The following BMPR2 variants were observed in gnomAD, a reference collection of about 807,000 sequenced individuals.
The protein encoded by BMPR2 is bone morphogenetic protein receptor type-2.
BMPR2 carries 29 observed loss-of-function variants against 100.8 expected under a neutral mutation model. The ratio of observed to expected loss-of-function variants is 0.29; its 90% CI spans 0.21 to 0.39. The LOEUF is 0.39. BMPR2 is among the 10% of genes least tolerant of loss of function. The pLI, the probability that BMPR2 is intolerant of heterozygous loss-of-function variation, is 1.00. For missense variants in BMPR2, 1,011 were observed against 1,274.5 expected (o/e 0.79, Z 3.15); for synonymous variants, 382 against 442.3 (o/e 0.86, Z 1.71).
At chr2:202,397,423 A>T (rs1574426883) in intron 1 of BMPR2, among the ~76,000 whole-genome samples, 1 of 152,258 alleles carries the variant, frequency 6.6e-6, no homozygotes, top group South Asian at 2.1e-4. Context: ...CAGTAATAAG[A>T]AAGTCAGTCT....
intron 9 of BMPR2, among the ~76,000 whole-genome samples, chr2:202,541,702 C>CT (rs767076630): frequency 6.6e-6 from 1 of 152,090 alleles, no homozygotes; most frequent in Non-Finnish European, 1.5e-5. Flanking sequence ...ACATAATAGT[C>CT]TTTTTTCCCT....
Position 202,553,539 on chromosome 2 carries a change from A to G in BMPR2, c.1586+651A>G, listed in dbSNP as rs568683628. Reference sequence around the variant, plus strand: ...TATTTCTTTTTTCCATGTTTGGGGTAAAAAAGCCTTTCTATGACTTTGTCA... The same window carrying G: ...TATTTCTTTTTTCCATGTTTGGGGTGAAAAAGCCTTTCTATGACTTTGTCA... On this transcript the variant is annotated intron_variant, in intron 11 of 12. Transcript: ENST00000374580. Among the ~76,000 whole-genome samples the G allele has an allele frequency of 5.3e-5, 8 of 152,262 alleles. No homozygotes were observed. The East Asian group carries it at 1.5e-3, about 29-fold the overall frequency.
chr2:202,433,023 C>T (rs1034914480), intron 1 of BMPR2, among the ~76,000 whole-genome samples: 22 of 150,464 alleles, frequency 1.5e-4, no homozygotes, highest in Non-Finnish European at 2.9e-4. Context: ...CTTGCCAGAT[C>T]TAGCCGTAAG....
intron 7 of BMPR2, among the ~76,000 whole-genome samples, chr2:202,522,899 T>C (rs1309188650): frequency 6.6e-6 from 1 of 151,946 alleles, no homozygotes; most frequent in Non-Finnish European, 1.5e-5. Context: ...CATGCGAGCA[T>C]ACTTAGAAAA....
intron 1 of BMPR2, among the ~76,000 whole-genome samples, chr2:202,430,960 C>CAA (rs781320204): frequency 1.6e-4 from 16 of 99,950 alleles, no homozygotes; most frequent in African/African-American, 2.0e-4. Context: ...ACTCTGTCTC[C>CAA]AAAAAAAAAA....
chr2:202,564,031 T>A lies in BMPR2; in HGVS notation c.*4085T>A, dbSNP rs1688716055. On this transcript the variant is annotated 3_prime_UTR_variant, in exon 13 of 13. Transcript: ENST00000374580. ...TAAGTGTGGGCTTCAGTGGGAATTATCACAAAACATTGGCAAGTATTTTTA... is the reference window on the plus strand; with the variant it reads ...TAAGTGTGGGCTTCAGTGGGAATTAACACAAAACATTGGCAAGTATTTTTA... The A allele has an allele frequency of 6.6e-6, 1 of 152,208 alleles. No individual in the cohort carries two copies. The highest frequency in any genetic ancestry group is 2.1e-4 in the South Asian group (1 of 4,830). 9.4% of individuals were successfully genotyped at this position (152,208 alleles called of 1,614,324 possible).
At chr2:202,513,581 TTC>T (rs1428261673) in intron 3 of BMPR2, 136 bp from the exon 4 acceptor site, 9 of 615,446 alleles carry the variant, frequency 1.5e-5, no homozygotes, top group Non-Finnish European at 2.3e-5. Flanking sequence ...TACTAATTTT[TTC>T]TTTCATTTCC....
intron 3 of BMPR2, among the ~76,000 whole-genome samples, chr2:202,489,656 G>A (rs1187153772): frequency 2.6e-5 from 4 of 152,120 alleles, no homozygotes; most frequent in African/African-American, 9.7e-5. Context: ...AAACAAACAT[G>A]ATTAATTTTA....
chr2:202,467,394 T>C, intron 2 of BMPR2, 125 bp from the exon 3 acceptor site: 1 of 842,962 alleles, frequency 1.2e-6, no homozygotes, highest in Middle Eastern at 2.5e-4. Context: ...TCCTGTTGAT[T>C]TGCAAAACTG....
chr2:202,549,760 A>AAAG (rs1688442900), intron 10 of BMPR2, among the ~76,000 whole-genome samples: 1 of 151,180 alleles, frequency 6.6e-6, no homozygotes, highest in Non-Finnish European at 1.5e-5. Context: ...AAAAAAAAAA[A>AAAG]GAAAAGAAAA....
rs1275944087 is a variant in BMPR2, at chr2:202,376,441, C to T, written c.-1034C>T. 1.4e-5 allele frequency among the ~76,000 whole-genome samples: 2 copies of T among 145,902 alleles called. No homozygotes were observed. The highest frequency in any genetic ancestry group is 3.0e-5 in the Non-Finnish European group (2 of 66,156). On this transcript the variant is annotated 5_prime_UTR_variant, in exon 1 of 13. Transcript: ENST00000374580. Reference sequence around the variant, plus strand: ...CCTTCCCCGGCTACCTTCATCCGCCCTCCCGCCGCCCCCCGCCCTCGGTCC... The same window carrying T: ...CCTTCCCCGGCTACCTTCATCCGCCTTCCCGCCGCCCCCCGCCCTCGGTCC...
At chr2:202,538,716 C>T (rs1688210130) in intron 9 of BMPR2, among the ~76,000 whole-genome samples, 1 of 151,092 alleles carries the variant, frequency 6.6e-6, no homozygotes, top group Admixed American at 6.6e-5. Context: ...ATTGCTTGAA[C>T]CCGGGACGCA....
At chr2:202,427,982 A>G (rs556210060) in intron 1 of BMPR2, among the ~76,000 whole-genome samples, 18 of 152,272 alleles carry the variant, frequency 1.2e-4, no homozygotes, top group African/African-American at 3.9e-4. Context: ...CTGTCTTCAC[A>G]AAAATAAACA....
intron 3 of BMPR2, chr2:202,505,089 CA>C: frequency 6.0e-6 from 1 of 166,064 alleles, no homozygotes; most frequent in South Asian, 1.3e-4. Context: ...TTAATGTCTT[CA>C]AAAAGGCCAA....
At chr2:202,430,684 G>A (rs1691484530) in intron 1 of BMPR2, among the ~76,000 whole-genome samples, 1 of 152,000 alleles carries the variant, frequency 6.6e-6, no homozygotes, top group Non-Finnish European at 1.5e-5. Context: ...ACTTGGACAG[G>A]CGCGGTGGAT....
intron 1 of BMPR2, among the ~76,000 whole-genome samples, chr2:202,411,092 T>C (rs891210988): frequency 6.6e-6 from 1 of 152,160 alleles, no homozygotes; most frequent in African/African-American, 2.4e-5. Context: ...GATGCTAAAA[T>C]TAGTGGGTGA....
At chr2:202,496,716 G>GTTCAGAACT (rs762474942) in intron 3 of BMPR2, among the ~76,000 whole-genome samples, 80 of 152,352 alleles carry the variant, frequency 5.3e-4, no homozygotes, top group Non-Finnish European at 9.8e-4. Flanking sequence ...AAAAAATAAT[G>GTTCAGAACT]TTCAGAACTA....
At chr2:202,555,116 T>G in intron 11 of BMPR2, 136 bp from the exon 12 acceptor site, 1 of 819,074 alleles carries the variant, frequency 1.2e-6, no homozygotes, top group Non-Finnish European at 1.9e-6. Context: ...GATTAGACTT[T>G]TTAACCTTTA....
chr2:202,555,125 T>C, intron 11 of BMPR2, 127 bp from the exon 12 acceptor site: 2 of 869,952 alleles, frequency 2.3e-6, no homozygotes, highest in African/African-American at 1.7e-5. Flanking sequence ...TTTTAACCTT[T>C]AGAAAAATGT....
Sources: gnomAD v4.1 joint callset for allele counts (sites outside exome capture counted in the v4.1 genomes callset) on GRCh38, gnomAD v4.1.1 for gene constraint, MANE v1.5 for transcripts, NCBI Gene and HGNC (gene_info 2026-07-23, HGNC 2026-07-21) for gene names.